Variants in TMEM108 observed in about 807,000 individuals in gnomAD.
TMEM108 encodes the protein cancer/testis antigen 124.
In TMEM108, 12 loss-of-function variants were observed where a neutral mutation model predicts 35.1. The observed-to-expected ratio is 0.34, with a 90% CI of 0.22 to 0.55. TMEM108 has a LOEUF of 0.55. Among genes scored for constraint, TMEM108 ranks in the 20% least tolerant of loss-of-function variants. The pLI is 0.89. For missense variants in TMEM108, 680 were observed against 753.3 expected (o/e 0.90, Z 1.14); for synonymous variants, 287 against 308.6 (o/e 0.93, Z 0.73).
intron 2 of TMEM108, among the ~76,000 whole-genome samples, chr3:133,118,513 T>C (rs192741928): frequency 3.3e-5 from 5 of 152,338 alleles, no homozygotes; most frequent in Admixed American, 2.6e-4. Context: ...CTCTCATTTA[T>C]CCTTACAAGC....
intron 2 of TMEM108, among the ~76,000 whole-genome samples, chr3:133,219,224 T>A (rs528759662): frequency 2.6e-5 from 4 of 152,272 alleles, no homozygotes; most frequent in African/African-American, 9.6e-5. Context: ...GTATTCATTG[T>A]AATGTCTTTT....
Position 133,146,793 on chromosome 3 carries a change from G to A in TMEM108, c.-46-82473G>A, listed in dbSNP as rs1246456547. On this transcript the variant is annotated intron_variant, in intron 2 of 5. Coordinates refer to ENST00000321871, the MANE Select transcript of TMEM108 (RefSeq NM_023943.4). ...TTTTCTGATGGTAGTTTGTATTTCT[G>A]TGGGATCAGTGTTGATATCCCTTTT... is the stretch of plus-strand genomic sequence containing the variant. Among the ~76,000 whole-genome samples the A allele has an allele frequency of 3.9e-5, 6 of 152,252 alleles. No individual in the cohort carries two copies. In the South Asian group the frequency reaches 1.0e-3, roughly 26 times the overall value.
intron 4 of TMEM108, chr3:133,388,711 A>G (rs59606325): frequency 1.0e-6 from 1 of 985,368 alleles, no homozygotes; most frequent in African/African-American, 1.7e-5. Flanking sequence ...AGACCTTTCC[A>G]GGTTGAGAGG....
At chr3:133,246,983 C>G (rs1449497496) in intron 3 of TMEM108, 1 of 152,188 alleles carries the variant, frequency 6.6e-6, no homozygotes, top group Non-Finnish European at 1.5e-5. Context: ...AGTGACAGTT[C>G]CTCTCTGCTA....
chr3:133,122,566 T>TA, intron 2 of TMEM108, among the ~76,000 whole-genome samples: 1 of 152,250 alleles, frequency 6.6e-6, no homozygotes, highest in South Asian at 2.1e-4. Flanking sequence ...TTCCTTGTTT[T>TA]AAAAATTGGT....
At chr3:133,060,205 G>C (rs760862122) in intron 2 of TMEM108, among the ~76,000 whole-genome samples, 9 of 152,308 alleles carry the variant, frequency 5.9e-5, no homozygotes, top group Non-Finnish European at 1.3e-4. Context: ...TCTGAGGAGA[G>C]CTTTAAGTAC....
intron 2 of TMEM108, among the ~76,000 whole-genome samples, chr3:133,085,520 T>A (rs116103695): frequency 0.02 from 3,121 of 152,288 alleles, 120 homozygotes; most frequent in African/African-American, 0.071. Context: ...TTTAATTTTT[T>A]AATGCACGTT....
In TMEM108 at chr3:133,341,762, G is replaced by T. The variant is rs559172308; in HGVS notation, c.41-37990G>T. On this transcript the variant is annotated intron_variant, in intron 3 of 5. Transcript: ENST00000321871. ...CAATGAACTCATTTTTGACAAAGGGGCCAGGAACATACATTGGAGAAAAGA... is the reference window on the plus strand; with the variant it reads ...CAATGAACTCATTTTTGACAAAGGGTCCAGGAACATACATTGGAGAAAAGA... 4.6e-5 allele frequency among the ~76,000 whole-genome samples: 7 copies of T among 151,884 alleles called. 1 individual carries two copies. In the South Asian group the frequency reaches 1.5e-3, roughly 32 times the overall value.
At chr3:133,165,570 T>TG (rs1945025229) in intron 2 of TMEM108, among the ~76,000 whole-genome samples, 1 of 152,242 alleles carries the variant, frequency 6.6e-6, no homozygotes, top group South Asian at 2.1e-4. Context: ...TTTATGTGTG[T>TG]TTCAGTCTGT....
In TMEM108 at chr3:133,346,253, C is replaced by T. The variant is rs191508640; in HGVS notation, c.41-33499C>T. Among the ~76,000 whole-genome samples, 1,915 of 152,042 alleles carry T rather than the reference C, an allele frequency of 0.013. 24 individuals carry two copies. Among genetic ancestry groups the T allele is most frequent in the Non-Finnish European group, 0.019 (1,281 of 67,862 alleles). On this transcript the variant is annotated intron_variant, in intron 3 of 5. Coordinates refer to ENST00000321871, the MANE Select transcript of TMEM108 (RefSeq NM_023943.4). This position sits in a 1 kb window ranked among gnomAD's most constrained non-coding sequence, Gnocchi z 4.0. ...TGGCTGTACCATTTTGCATTCCTGT[C>T]AGCACTGAATGAGAGTTCCTGTTAC... is the stretch of plus-strand genomic sequence containing the variant.
intron 3 of TMEM108, among the ~76,000 whole-genome samples, chr3:133,339,299 A>G (rs1273416037): frequency 6.6e-6 from 1 of 152,020 alleles, no homozygotes; most frequent in Non-Finnish European, 1.5e-5. Context: ...AAACCAAAAA[A>G]GTGCAGTAGC....
intron 3 of TMEM108, among the ~76,000 whole-genome samples, chr3:133,354,305 A>T (rs1349724837): frequency 6.6e-6 from 1 of 152,132 alleles, no homozygotes. Context: ...TCAGCTGGGG[A>T]TGTTGCCTGG....
At chr3:133,158,036 A>T (rs1252513062) in intron 2 of TMEM108, among the ~76,000 whole-genome samples, 1 of 152,180 alleles carries the variant, frequency 6.6e-6, no homozygotes, top group Admixed American at 6.5e-5. Flanking sequence ...CAAGTGGGTT[A>T]TCTCCTTTAA....
At chr3:133,123,099 A>C (rs182542296) in intron 2 of TMEM108, among the ~76,000 whole-genome samples, 1 of 152,294 alleles carries the variant, frequency 6.6e-6, no homozygotes, top group Non-Finnish European at 1.5e-5. Flanking sequence ...GTATGTACGG[A>C]TACATATATG....
intron 1 of TMEM108, among the ~76,000 whole-genome samples, chr3:133,043,097 GA>G (rs61374767): frequency 2.0e-5 from 3 of 152,282 alleles, no homozygotes; most frequent in South Asian, 4.1e-4. Context: ...TTTCCTGTAA[GA>G]AAAAACTTTC....
At chr3:133,118,753 G>A (rs1944316868) in intron 2 of TMEM108, among the ~76,000 whole-genome samples, 1 of 152,136 alleles carries the variant, frequency 6.6e-6, no homozygotes, top group South Asian at 2.1e-4. Flanking sequence ...CTCCTACCCA[G>A]GGCTCGGCTT....
At chr3:133,233,082 C>T (rs897161346) in intron 3 of TMEM108, among the ~76,000 whole-genome samples, 1 of 149,892 alleles carries the variant, frequency 6.7e-6, no homozygotes, top group Non-Finnish European at 1.5e-5. Flanking sequence ...GGTACATGTG[C>T]ACAATGTGCA....
At chr3:133,288,180 T>C (rs961297839) in intron 3 of TMEM108, among the ~76,000 whole-genome samples, 1 of 152,240 alleles carries the variant, frequency 6.6e-6, no homozygotes, top group Non-Finnish European at 1.5e-5. Flanking sequence ...CAAATGTGTA[T>C]GCAGGACAGT....
At chr3:133,287,368 A>G (rs527418188) in intron 3 of TMEM108, among the ~76,000 whole-genome samples, 3 of 152,338 alleles carry the variant, frequency 2.0e-5, no homozygotes, top group African/African-American at 4.8e-5. Flanking sequence ...ACAAAGCACC[A>G]TGGATTAGTC....
Sources: gnomAD v4.1 joint callset for allele counts (sites outside exome capture counted in the v4.1 genomes callset) on GRCh38, gnomAD v4.1.1 for gene constraint, Gnocchi (gnomAD v3.1) non-coding constraint, MANE v1.5 for transcripts, NCBI Gene and HGNC (gene_info 2026-07-23, HGNC 2026-07-21) for gene names.